Variants in KICS2 observed in about 807,000 individuals in gnomAD.
KICS2 encodes the protein KICSTOR complex protein C12orf66.
A neutral mutation model predicts 31.4 loss-of-function variants in KICS2; 13 were observed. The ratio of observed to expected loss-of-function variants is 0.41; its 90% CI spans 0.27 to 0.66. The LOEUF (loss-of-function observed/expected upper bound fraction) is 0.66, where lower values mean the gene tolerates loss of function less well. Among genes scored for constraint, KICS2 ranks in the 30% least tolerant of loss-of-function variants. The probability of loss-of-function intolerance (pLI) is 0.28; values close to 1 mark genes in which losing one functional copy is unlikely to be tolerated. For missense variants in KICS2, 455 were observed against 545.4 expected, an observed-to-expected ratio of 0.83 and a Z score of 1.65; for synonymous variants, 209 against 214.8, an observed-to-expected ratio of 0.97 and a Z score of 0.24.
intron 2 of KICS2, among the ~76,000 whole-genome samples, chr12:64,197,883 T>C (rs2037456107): frequency 7.2e-6 from 1 of 138,896 alleles, no homozygotes; most frequent in African/African-American, 2.9e-5. Context: ...AAGGGATCAA[T>C]TCAACAAGAA....
At chr12:64,217,283 A>G (rs1306135396) in intron 1 of KICS2, among the ~76,000 whole-genome samples, 1 of 152,162 alleles carries the variant, frequency 6.6e-6, no homozygotes, top group Non-Finnish European at 1.5e-5. Flanking sequence ...GAAAATTTTG[A>G]ACAGTTGGTT....
At position 64,193,978 on chromosome 12, in the gene KICS2, T is replaced by C. The variant is rs1158417056; in HGVS notation, c.1202A>G (p.His401Arg). The C allele has an allele frequency of 6.2e-7, 1 of 1,614,074 alleles. No homozygotes were observed. Among genetic ancestry groups the C allele is most frequent in the African/African-American group, 1.3e-5 (1 of 74,920 alleles). Residue 401 changes from histidine (H) to arginine (R), a missense_variant, in exon 3 of 3, where the codon CAC (histidine) becomes CGC (arginine). Transcript: ENST00000398055. The stretch of plus-strand genomic sequence containing the variant: ...CTCAAAAATGATGACAATGGTAAAG[T>C]GAGGTTCCGGGCGGGTTAGGAAGTA... ...STYFLTRPEP[H>R]FTIVIIFESK...
In KICS2 at chr12:64,215,756, G is replaced by A. The variant is rs774801362; in HGVS notation, c.443C>T (p.Thr148Ile). 18 of 1,614,068 alleles carry A rather than the reference G, an allele frequency of 1.1e-5. No homozygotes were observed. The Admixed American group carries it at 2.7e-4, about 24-fold the overall frequency. The change falls in exon 2 of 3, where the codon ACC becomes ATC. Residue 148 changes from threonine (T) to isoleucine (I), a missense_variant. Physicochemically the swap from Thr to Ile is moderately conservative, Grantham distance 89 (BLOSUM62 -1). Transcript: ENST00000398055. ...ATTGATGAACTTCTGTGTGCTGAGGGTGTACATCTTCTCATAGAAGTCTGC... is the reference window on the plus strand; with the variant it reads ...ATTGATGAACTTCTGTGTGCTGAGGATGTACATCTTCTCATAGAAGTCTGC... ...EIADFYEKMY[T>I]LSTQKFINAE...
intron 2 of KICS2, among the ~76,000 whole-genome samples, chr12:64,205,187 A>G (rs999190528): frequency 6.6e-6 from 1 of 152,220 alleles, no homozygotes; most frequent in African/African-American, 2.4e-5. Context: ...GCTGAAAATC[A>G]TCATTCAAAT....
Position 64,215,779 on chromosome 12 carries a change from T to A in KICS2, c.420A>T (p.Ala140=). Residue 140 remains alanine, a synonymous_variant, in exon 2 of 3, where the codon GCA becomes GCT. Transcript: ENST00000398055. ...CFFVQARMEI[A]DFYEKMYTLS... is the part of the protein sequence containing the mutation. ...GGGTGTACATCTTCTCATAGAAGTC[T>A]GCTATCTCCATCCGAGCCTGAACAA... 6.2e-7 allele frequency: 1 copy of A among 1,614,128 alleles called. No individual in the cohort carries two copies. The highest frequency in any genetic ancestry group is 8.5e-7 in the Non-Finnish European group (1 of 1,180,030).
At chr12:64,212,692 T>C (rs1057431994) in intron 2 of KICS2, among the ~76,000 whole-genome samples, 1 of 152,360 alleles carries the variant, frequency 6.6e-6, no homozygotes, top group South Asian at 2.1e-4. Flanking sequence ...TTCTTGGATA[T>C]ATACCTAGGA....
chr12:64,190,530 T>C (rs2037370601), downstream of KICS2, among the ~76,000 whole-genome samples: 1 of 152,178 alleles, frequency 6.6e-6, no homozygotes, highest in Admixed American at 6.5e-5. Flanking sequence ...CTTGGGAAGC[T>C]AAAGAGGGAG....
chr12:64,196,282 G>A (rs1305971571), intron 2 of KICS2, among the ~76,000 whole-genome samples: 1 of 118,458 alleles, frequency 8.4e-6, no homozygotes, highest in South Asian at 2.6e-4. Flanking sequence ...CCTCAAGTGG[G>A]TTCCTGACCC....
Position 64,194,623 on chromosome 12 carries a change from C to T in KICS2, c.557G>A (p.Ser186Asn), listed in dbSNP as rs140615462. The T allele has an allele frequency of 6.2e-6, 10 of 1,613,970 alleles. No individual in the cohort carries two copies. The Admixed American group carries it at 1.0e-4, about 16-fold the overall frequency. Residue 186 changes from serine (S) to asparagine (N), a missense_variant, in exon 3 of 3, where the codon AGT becomes AAT. Coordinates refer to ENST00000398055, the MANE Select transcript of KICS2 (RefSeq NM_152440.5). ...CAGGACGTCAACTTCCAGCTGGAAA[C>T]TGCTTTCCAAAGGACTGAGGATTGG... ...HHPILSPLES[S>N]FQLEVDVLCH... is the part of the protein sequence containing the mutation.
At chr12:64,188,675 A>T (rs774092882), downstream of KICS2, among the ~76,000 whole-genome samples, 2 of 152,050 alleles carry the variant, frequency 1.3e-5, no homozygotes, top group Non-Finnish European at 1.5e-5. Flanking sequence ...ATGAGGAAGG[A>T]ATAAAGGAAA....
intron 2 of KICS2, among the ~76,000 whole-genome samples, chr12:64,211,463 A>G (rs887973008): frequency 6.6e-6 from 1 of 151,990 alleles, no homozygotes; most frequent in Non-Finnish European, 1.5e-5. Context: ...TAAAGATACA[A>G]AAAAAATTAG....
intron 2 of KICS2, among the ~76,000 whole-genome samples, chr12:64,214,271 A>G (rs1172279907): frequency 6.6e-5 from 10 of 152,212 alleles, no homozygotes; most frequent in Admixed American, 5.9e-4. Context: ...GCTGTGATGG[A>G]GCTCACATTC....
chr12:64,218,861 A>C (rs1032200206), intron 1 of KICS2, among the ~76,000 whole-genome samples: 3 of 152,232 alleles, frequency 2.0e-5, no homozygotes, highest in Admixed American at 6.5e-5. Flanking sequence ...TAAGGAAGAG[A>C]TAGACCATCA....
chr12:64,190,753 A>AAAAGAAAG (rs199918231), downstream of KICS2, among the ~76,000 whole-genome samples: 1 of 151,480 alleles, frequency 6.6e-6, no homozygotes, highest in Admixed American at 6.6e-5. Context: ...TTCAAAAAAA[A>AAAAGAAAG]AAAGAAAGAA....
At chr12:64,220,024 C>A (rs1455213630) in intron 1 of KICS2, among the ~76,000 whole-genome samples, 3 of 152,104 alleles carry the variant, frequency 2.0e-5, no homozygotes, top group East Asian at 1.9e-4. Context: ...CACTCCAGTA[C>A]CCAAAAAAAT....
chr12:64,187,791 C>T, downstream of KICS2: 1 of 634,710 alleles, frequency 1.6e-6, no homozygotes, highest in East Asian at 2.8e-5. Context: ...TGAAAAAAAT[C>T]AGAGGCTACT....
chr12:64,196,790 C>A (rs1416649804), intron 2 of KICS2, among the ~76,000 whole-genome samples: 1 of 148,216 alleles, frequency 6.7e-6, no homozygotes, highest in Non-Finnish European at 1.5e-5. Context: ...GGCTCGAGAA[C>A]TACGTGAAGA....
rs755754219 is a variant in KICS2, at chr12:64,214,456, A to C, written c.521+1222T>G. Among the ~76,000 whole-genome samples, 6 of 152,194 alleles carry C rather than the reference A, an allele frequency of 3.9e-5. No individual in the cohort carries two copies. In the South Asian group the frequency reaches 6.2e-4, roughly 16 times the overall value. On this transcript the variant is annotated intron_variant, in intron 2 of 2. Coordinates refer to ENST00000398055, the MANE Select transcript of KICS2 (RefSeq NM_152440.5). The stretch of plus-strand genomic sequence containing the variant: ...AAGATGAGAAGATAACTACAGTAAG[A>C]ACTTATAAGAGAGAAAGAATTGCAA...
rs775642591 is a variant in KICS2 at position 64,193,514 on chromosome 12, G to C, written c.*328C>G. 5 of 1,064,592 alleles carry C rather than the reference G, an allele frequency of 4.7e-6. No individual in the cohort carries two copies. Among genetic ancestry groups the C allele is most frequent in the Non-Finnish European group, 5.7e-6 (5 of 881,678 alleles). The allele number at this position is 1,064,592 out of a possible 1,614,324, so 65.9% of individuals were successfully genotyped here. A position where few individuals can be genotyped will look rare whatever the true frequency, so the allele number is the denominator to read the frequency against. On this transcript the variant is annotated 3_prime_UTR_variant, in exon 3 of 3. Transcript: ENST00000398055. ...GAATTGCAGTAGAACACAATGTTTA[G>C]AACAACAGAAAAACATATGGGAAAA...
Sources: gnomAD v4.1 joint callset for allele counts (sites outside exome capture counted in the v4.1 genomes callset) on GRCh38, gnomAD v4.1.1 for gene constraint, MANE v1.5 for transcripts, NCBI Gene and HGNC (gene_info 2026-07-23, HGNC 2026-07-21) for gene names.